DEFB110: variants seen among roughly 807,000 people sequenced by gnomAD.
DEFB110 encodes the protein defensin beta 110.
A neutral mutation model predicts 2.5 loss-of-function variants in DEFB110; 4 were observed. The ratio of observed to expected loss-of-function variants is 1.60; its 90% CI spans 0.79 to 3.66. The LOEUF (loss-of-function observed/expected upper bound fraction) is 3.66. Among genes scored for constraint, DEFB110 ranks in the 30% most tolerant of loss-of-function variants. The pLI is 0.01. For missense variants in DEFB110, 94 were observed against 75.4 expected (o/e 1.25, Z -0.91); for synonymous variants, 29 against 21.8 (o/e 1.33, Z -0.92).
Position 50,021,983 on chromosome 6 carries a change from G to C in DEFB110, c.-48C>G. 1 of 1,464,480 alleles carries C rather than the reference G, an allele frequency of 6.8e-7. No homozygotes were observed. The highest frequency in any genetic ancestry group is 1.4e-5 in the South Asian group (1 of 73,142). The allele number at this position is 1,464,480 out of a possible 1,614,324, so 90.7% of individuals were successfully genotyped here. Reference sequence around the variant, plus strand: ...GGGGGCAACAGACCTCCTTTTTCAAGTCAGTTGTTTTGAAATAAGGAAACA... The same window carrying C: ...GGGGGCAACAGACCTCCTTTTTCAACTCAGTTGTTTTGAAATAAGGAAACA... On this transcript the variant is annotated 5_prime_UTR_variant, in exon 1 of 2. Coordinates refer to ENST00000371148, the MANE Select transcript of DEFB110 (RefSeq NM_001037497.2).
At chr6:50,009,321 G>A (rs1774188250) in intron 1 of DEFB110, 1 of 1,529,828 alleles carries the variant, frequency 6.5e-7, no homozygotes, top group African/African-American at 1.4e-5. Flanking sequence ...TTGATTTGTG[G>A]GTTTTCTTGC....
chr6:50,019,919 G>C (rs533803656), intron 1 of DEFB110, among the ~76,000 whole-genome samples: 1 of 152,120 alleles, frequency 6.6e-6, no homozygotes. Flanking sequence ...ACACCCATTT[G>C]CTAACACATT....
At chr6:50,019,788 A>T (rs1774387889) in intron 1 of DEFB110, among the ~76,000 whole-genome samples, 1 of 152,014 alleles carries the variant, frequency 6.6e-6, no homozygotes, top group Non-Finnish European at 1.5e-5. Flanking sequence ...ACTTACAAAC[A>T]ATTTCTGTCA....
intron 1 of DEFB110, among the ~76,000 whole-genome samples, chr6:50,010,429 G>A (rs1774208615): frequency 6.6e-6 from 1 of 151,550 alleles, no homozygotes; most frequent in South Asian, 2.1e-4. Context: ...AACTAGAGAA[G>A]ATCTCTAAAG....
chr6:50,014,797 C>T (rs183310482), downstream of DEFB110, among the ~76,000 whole-genome samples: 2 of 151,720 alleles, frequency 1.3e-5, no homozygotes, highest in African/African-American at 4.8e-5. Context: ...ATTAACCTGC[C>T]AATCAGCAAC....
At chr6:50,015,918 AT>A (rs1561991359), downstream of DEFB110, among the ~76,000 whole-genome samples, 1 of 151,828 alleles carries the variant, frequency 6.6e-6, no homozygotes, top group Non-Finnish European at 1.5e-5. Flanking sequence ...TCCATGCTTT[AT>A]TCATTTGTGA....
intron 1 of DEFB110, among the ~76,000 whole-genome samples, chr6:50,021,414 A>G (rs9473718): frequency 0.015 from 2,249 of 152,256 alleles, 58 homozygotes; most frequent in African/African-American, 0.052. Context: ...CGATATTTCA[A>G]TAATTATTAT....
chr6:50,010,765 A>G (rs1162629877), intron 1 of DEFB110, among the ~76,000 whole-genome samples: 1 of 151,732 alleles, frequency 6.6e-6, no homozygotes, highest in Admixed American at 6.6e-5. Context: ...GCATAATTGC[A>G]TATACTTTTT....
At chr6:50,015,976 A>G (rs1029830944), downstream of DEFB110, among the ~76,000 whole-genome samples, 2 of 151,860 alleles carry the variant, frequency 1.3e-5, no homozygotes, top group Non-Finnish European at 2.9e-5. Flanking sequence ...GTAGTCAATC[A>G]ATATCAGTTC....
At chr6:50,017,607 C>T (rs1015777580), downstream of DEFB110, among the ~76,000 whole-genome samples, 3 of 151,688 alleles carry the variant, frequency 2.0e-5, no homozygotes. Context: ...GTTGAGAAAC[C>T]CTGTTATAAA....
rs765825274 is a variant in DEFB110, at chr6:50,018,951, C to A, written c.*26G>T. 2 of 1,598,760 alleles carry A rather than the reference C, an allele frequency of 1.3e-6. No individual in the cohort carries two copies. Among genetic ancestry groups the A allele is most frequent in the Non-Finnish European group, 8.5e-7 (1 of 1,173,640 alleles). ...ATAACGCTGGTCTCTCTTCTTGGAG[C>A]TTGTGACTCTTTTCTTCTGTCATCG... On this transcript the variant is annotated 3_prime_UTR_variant, in exon 2 of 2. Transcript: ENST00000371148.
At chr6:50,012,236 A>T (rs1283826339) in intron 1 of DEFB110, among the ~76,000 whole-genome samples, 2 of 151,930 alleles carry the variant, frequency 1.3e-5, no homozygotes, top group Non-Finnish European at 2.9e-5. Context: ...AATTCCTGCT[A>T]TGGCTTTTTG....
chr6:50,020,218 T>TG (rs1461797716), intron 1 of DEFB110, among the ~76,000 whole-genome samples: 14 of 151,970 alleles, frequency 9.2e-5, no homozygotes, highest in Non-Finnish European at 1.5e-4. Flanking sequence ...AGAAAAGATA[T>TG]GTTTTTTTTT....
At chr6:50,016,892 A>G (rs1446474034), downstream of DEFB110, among the ~76,000 whole-genome samples, 6 of 151,744 alleles carry the variant, frequency 4.0e-5, no homozygotes. Flanking sequence ...TCTGTCAAGC[A>G]CTGAAAGATA....
In DEFB110 at chr6:50,018,982, G is replaced by A. The variant is rs763813750; in HGVS notation, c.199C>T (p.Gln67Ter). 6.2e-7 allele frequency: 1 copy of A among 1,610,306 alleles called. No individual in the cohort carries two copies. The highest frequency in any genetic ancestry group is 1.7e-5 in the Admixed American group (1 of 59,442). Residue 67 changes from glutamine to a stop codon, truncating the protein, a stop_gained, in exon 2 of 2, where the codon CAG becomes TAG. Transcript: ENST00000371148. LOFTEE classifies it high-confidence loss of function. ...ACTCTTTTCTTCTGTCATCGTTACTGCTGCAAGCAGCAATGAGTTCCAGGT... is the reference window on the plus strand; with the variant it reads ...ACTCTTTTCTTCTGTCATCGTTACTACTGCAAGCAGCAATGAGTTCCAGGT... ...IRPGTHCCLQ[Q>*] is the part of the protein sequence containing the mutation.
chr6:50,015,171 C>T (rs758728897), downstream of DEFB110, among the ~76,000 whole-genome samples: 1 of 151,762 alleles, frequency 6.6e-6, no homozygotes, highest in Non-Finnish European at 1.5e-5. Flanking sequence ...TGAAATCTAG[C>T]TAGCTCTACA....
At position 50,021,943 on chromosome 6, in the gene DEFB110, AGTTTCTT is replaced by A; in HGVS notation, c.-15_-9del. The A allele has an allele frequency of 6.5e-7, 1 of 1,542,126 alleles. No homozygotes were observed. Among genetic ancestry groups the A allele is most frequent in the Non-Finnish European group, 8.7e-7 (1 of 1,154,378 alleles). ...AAAAAGTTGAATCTTCATGGTAGAG[AGTTTCTT>A]AAAAAAAGGGGGCAACAGACCTCCT... On this transcript the variant is annotated 5_prime_UTR_variant, in exon 1 of 2. Transcript: ENST00000371148.
At position 50,011,647 on chromosome 6, in the gene DEFB110, T is replaced by C. The variant is rs552775842; in HGVS notation, c.56-2376A>G. Among the ~76,000 whole-genome samples the C allele has an allele frequency of 2.3e-3, 343 of 152,186 alleles. 2 individuals are homozygous for C. The highest frequency in any genetic ancestry group is 3.2e-3 in the Non-Finnish European group (220 of 67,972). ...TTTTCCAAATGGTATGCGGAGTTTT[T>C]CACTCTCCCAAGGGAAGTGTCTGGC... On this transcript the variant is annotated intron_variant, in intron 1 of 1. Transcript: ENST00000393660.
intron 1 of DEFB110, among the ~76,000 whole-genome samples, chr6:50,009,948 T>C (rs1774199753): frequency 6.6e-6 from 1 of 152,070 alleles, no homozygotes; most frequent in Non-Finnish European, 1.5e-5. Context: ...TATTCATACA[T>C]TAAACTATAG....
Sources: allele counts gnomAD v4.1 joint callset (sites outside exome capture counted in the v4.1 genomes callset), GRCh38; gene constraint gnomAD v4.1.1; transcripts MANE v1.5; gene names NCBI Gene and HGNC (gene_info 2026-07-23, HGNC 2026-07-21).